PDE10A: variants seen among roughly 807,000 people sequenced by gnomAD.
PDE10A encodes cAMP and cAMP-inhibited cGMP 3',5'-cyclic phosphodiesterase 10A.
Under a neutral mutation model 97.7 loss-of-function variants are expected in PDE10A, and 39 were observed. That is an observed-to-expected ratio of 0.40 (90% confidence interval 0.31 to 0.52). The LOEUF is 0.52. Ranked by LOEUF, PDE10A falls within the 20% of genes least tolerant of loss-of-function variation. PDE10A has a pLI of 0.56. For synonymous variants in PDE10A, 371 were observed against 376.8 expected, an observed-to-expected ratio of 0.98 and a Z score of 0.18; for missense variants, 731 against 1,047.8, an observed-to-expected ratio of 0.70 and a Z score of 4.17.
At chr6:165,387,690 A>G (rs770627657) in intron 17 of PDE10A, among the ~76,000 whole-genome samples, 35 of 152,218 alleles carry the variant, frequency 2.3e-4, no homozygotes, top group Non-Finnish European at 4.4e-4. Context: ...ACTATACTTA[A>G]GCCAAACCCA....
intron 1 of PDE10A, among the ~76,000 whole-genome samples, chr6:165,844,268 C>T (rs1156461548): frequency 2.0e-5 from 3 of 152,086 alleles, no homozygotes; most frequent in Non-Finnish European, 4.4e-5. Context: ...GTCAGAGGGC[C>T]TCAGAATATT....
chr6:165,438,228 G>A (rs1373879481), intron 5 of PDE10A, among the ~76,000 whole-genome samples: 1 of 151,286 alleles, frequency 6.6e-6, no homozygotes, highest in Non-Finnish European at 1.5e-5. Flanking sequence ...CACTCTTGTT[G>A]CCCAGGCTGG....
chr6:165,535,305 T>C (rs1231417040), intron 2 of PDE10A, among the ~76,000 whole-genome samples: 3 of 151,724 alleles, frequency 2.0e-5, no homozygotes, highest in South Asian at 2.1e-4. Flanking sequence ...GTCTGGGATT[T>C]TAGTGTAGCC....
At chr6:165,772,202 G>A (rs1219886322) in intron 1 of PDE10A, among the ~76,000 whole-genome samples, 2 of 152,206 alleles carry the variant, frequency 1.3e-5, no homozygotes, top group African/African-American at 4.8e-5. Context: ...AAGAAAGCCT[G>A]ACAAGGAAAC....
At chr6:165,374,801 A>T (rs1784511659) in intron 18 of PDE10A, among the ~76,000 whole-genome samples, 1 of 148,796 alleles carries the variant, frequency 6.7e-6, no homozygotes. Context: ...AACCTTGGGT[A>T]CAGCAATATC....
chr6:165,496,719 GATT>G (rs1304507287), intron 2 of PDE10A, among the ~76,000 whole-genome samples: 2 of 152,124 alleles, frequency 1.3e-5, no homozygotes, highest in Non-Finnish European at 2.9e-5. Flanking sequence ...ATGATTCTGT[GATT>G]ATTAAGACAC....
At chr6:165,817,628 G>A (rs968174600) in intron 1 of PDE10A, among the ~76,000 whole-genome samples, 1 of 152,270 alleles carries the variant, frequency 6.6e-6, no homozygotes, top group East Asian at 1.9e-4. Flanking sequence ...GCTGGTCCCT[G>A]CAACAGAGCC....
At chr6:165,736,944 A>G (rs1792590341) in intron 1 of PDE10A, among the ~76,000 whole-genome samples, 1 of 152,242 alleles carries the variant, frequency 6.6e-6, no homozygotes, top group East Asian at 1.9e-4. Context: ...CAAATAAGCA[A>G]AATCATAAAT....
chr6:165,567,207 C>A (rs1007029664), intron 1 of PDE10A, among the ~76,000 whole-genome samples: 23 of 152,116 alleles, frequency 1.5e-4, no homozygotes, highest in African/African-American at 5.1e-4. Context: ...AAGATAAATA[C>A]TGCATGAGTC....
At chr6:165,761,449 G>T (rs534783811) in intron 1 of PDE10A, among the ~76,000 whole-genome samples, 8 of 118,684 alleles carry the variant, frequency 6.7e-5, no homozygotes, top group Non-Finnish European at 1.0e-4. Context: ...CCTCCATGCG[G>T]GTCACCCACA....
intron 18 of PDE10A, among the ~76,000 whole-genome samples, chr6:165,368,954 T>C (rs1228987300): frequency 6.6e-6 from 1 of 152,174 alleles, no homozygotes; most frequent in Non-Finnish European, 1.5e-5. Context: ...CCGCTGCTGA[T>C]ACCCAGGCAA....
At position 165,331,615 on chromosome 6, in the gene PDE10A, A is replaced by G. The variant is rs1258938324; in HGVS notation, c.*1410T>C. The G allele has an allele frequency of 6.6e-6, 1 of 152,204 alleles. No individual in the cohort carries two copies. Among genetic ancestry groups the G allele is most frequent in the African/African-American group, 2.4e-5 (1 of 41,446 alleles). 9.4% of individuals were successfully genotyped at this position (152,204 alleles called of 1,614,324 possible). On this transcript the variant is annotated 3_prime_UTR_variant, in exon 22 of 22. Transcript: ENST00000539869. ...TGATGGGCCTGTCACTTCCTGAGTG[A>G]GTCTCTGTCTAATTCAGGTTTGGAG... is the stretch of plus-strand genomic sequence containing the variant.
intron 8 of PDE10A, among the ~76,000 whole-genome samples, chr6:165,430,817 C>T (rs1458035503): frequency 6.6e-6 from 1 of 152,130 alleles, no homozygotes; most frequent in Non-Finnish European, 1.5e-5. Flanking sequence ...TCCTAGCATA[C>T]AGTTCTTCCC....
intron 1 of PDE10A, among the ~76,000 whole-genome samples, chr6:165,651,804 T>C (rs9365902): frequency 0.069 from 10,432 of 152,266 alleles, 501 homozygotes; most frequent in South Asian, 0.22. Context: ...ATGTAATCCA[T>C]TTGGAATCTA....
intron 2 of PDE10A, among the ~76,000 whole-genome samples, chr6:165,528,465 G>A (rs1447811887): frequency 6.6e-6 from 1 of 152,152 alleles, no homozygotes; most frequent in Non-Finnish European, 1.5e-5. Context: ...CTAAGCCCTC[G>A]ATATGGCACC....
intron 1 of PDE10A, among the ~76,000 whole-genome samples, chr6:165,831,478 C>CTTTTTTTTTTTTTTTTTT (rs200237321): frequency 1.5e-5 from 2 of 133,828 alleles, no homozygotes; most frequent in Non-Finnish European, 3.1e-5. Context: ...TTGCAGGAGT[C>CTTTTTTTTTTTTTTTTTT]TTTTTTTTTT....
intron 1 of PDE10A, among the ~76,000 whole-genome samples, chr6:165,937,606 T>G (rs1262984756): frequency 6.6e-6 from 1 of 152,222 alleles, no homozygotes; most frequent in Non-Finnish European, 1.5e-5. Flanking sequence ...TAGAGAGTAC[T>G]TGGCACATAG....
At chr6:165,856,720 TAAAC>T (rs1246043031) in intron 1 of PDE10A, among the ~76,000 whole-genome samples, 1 of 152,238 alleles carries the variant, frequency 6.6e-6, no homozygotes, top group Non-Finnish European at 1.5e-5. Flanking sequence ...TGAATTTCCT[TAAAC>T]AATCAGTCTT....
intron 5 of PDE10A, 77 bp downstream of exon 5, chr6:165,448,851 G>A (rs948528745): frequency 3.5e-5 from 30 of 846,906 alleles, no homozygotes; most frequent in African/African-American, 1.5e-4. Context: ...ATGAAATGTC[G>A]GTTGTTTATA....
Sources: allele counts gnomAD v4.1 joint callset (sites outside exome capture counted in the v4.1 genomes callset), GRCh38; gene constraint gnomAD v4.1.1; transcripts MANE v1.5; gene names NCBI Gene and HGNC (gene_info 2026-07-23, HGNC 2026-07-21).